The following NCAM2 variants were observed in gnomAD, a reference collection of about 807,000 sequenced individuals.
NCAM2 encodes the protein neural cell adhesion molecule 2.
Under a neutral mutation model 98.1 loss-of-function variants are expected in NCAM2, and 30 were observed. The ratio of observed to expected loss-of-function variants is 0.31; its 90% CI spans 0.23 to 0.41. NCAM2 has a LOEUF of 0.41. Ranked by LOEUF, NCAM2 falls within the 10% of genes least tolerant of loss-of-function variation. The probability of loss-of-function intolerance (pLI) is 1.00; values close to 1 mark genes in which losing one functional copy is unlikely to be tolerated. For missense variants in NCAM2, 867 were observed against 1,005.8 expected, an observed-to-expected ratio of 0.86 and a Z score of 1.87; for synonymous variants, 368 against 342.4, an observed-to-expected ratio of 1.07 and a Z score of -0.83.
intron 1 of NCAM2, among the ~76,000 whole-genome samples, chr21:21,022,214 A>T (rs1029759090): frequency 1.3e-5 from 2 of 152,086 alleles, no homozygotes; most frequent in Non-Finnish European, 2.9e-5. Context: ...GTTTTAAAAA[A>T]ATACATACTT....
Position 21,026,852 on chromosome 21 carries a change from CTTCTTTT to C in NCAM2, c.55+28237_55+28243del, listed in dbSNP as rs2064558301. 2.1e-5 allele frequency among the ~76,000 whole-genome samples: 3 copies of C among 141,750 alleles called. No individual in the cohort carries two copies. In the East Asian group the frequency reaches 6.2e-4, roughly 29 times the overall value. The allele number at this position is 141,750 out of a possible 152,430, so 93.0% of individuals were successfully genotyped here. A position where few individuals can be genotyped will look rare whatever the true frequency, so the allele number is the denominator to read the frequency against. ...ATGGCAAATGTTTTCTTTTCTTCTT[CTTCTTTT>C]TTTTTTTTTTTTTTTGAGACAGCAT... On this transcript the variant is annotated intron_variant, in intron 1 of 17. Coordinates refer to ENST00000400546, the MANE Select transcript of NCAM2 (RefSeq NM_004540.5).
chr21:21,173,090 A>T lies in NCAM2; in HGVS notation c.56-107488A>T, dbSNP rs564927200. 3.9e-4 allele frequency among the ~76,000 whole-genome samples: 60 copies of T among 152,294 alleles called. No homozygotes were observed. In the South Asian group the frequency reaches 0.012, roughly 32 times the overall value. On this transcript the variant is annotated intron_variant, in intron 1 of 17. Coordinates refer to ENST00000400546, the MANE Select transcript of NCAM2 (RefSeq NM_004540.5). Reference sequence around the variant, plus strand: ...GAGTATTGTAAATAATTAATGTAACATTATGCCTGAAGCATAGAGGGTATT... The same window carrying T: ...GAGTATTGTAAATAATTAATGTAACTTTATGCCTGAAGCATAGAGGGTATT...
At chr21:21,521,111 G>A (rs752026266) in intron 16 of NCAM2, among the ~76,000 whole-genome samples, 5 of 152,066 alleles carry the variant, frequency 3.3e-5, no homozygotes, top group African/African-American at 7.2e-5. Context: ...TAACTGACCC[G>A]GAGAATGGAA....
chr21:21,097,725 A>C (rs1379606111), intron 1 of NCAM2, among the ~76,000 whole-genome samples: 2 of 151,496 alleles, frequency 1.3e-5, no homozygotes, highest in African/African-American at 2.4e-5. Flanking sequence ...ACACTGTTAC[A>C]TCAGGACACT....
chr21:21,403,214 T>A (rs2076669126), intron 9 of NCAM2, among the ~76,000 whole-genome samples: 1 of 152,184 alleles, frequency 6.6e-6, no homozygotes, highest in Non-Finnish European at 1.5e-5. Context: ...TGAGAAGCAC[T>A]ATGCCTGGGA....
At chr21:21,431,833 G>A (rs773585245) in intron 11 of NCAM2, among the ~76,000 whole-genome samples, 14 of 150,828 alleles carry the variant, frequency 9.3e-5, no homozygotes, top group Non-Finnish European at 1.9e-4. Context: ...TGTTTATATC[G>A]TATAGAAAAT....
chr21:21,173,234 G>A (rs1223873757), intron 1 of NCAM2, among the ~76,000 whole-genome samples: 2 of 152,112 alleles, frequency 1.3e-5, no homozygotes, highest in African/African-American at 2.4e-5. Flanking sequence ...GTAGTTAGTC[G>A]CTAATTCATT....
Position 21,297,358 on chromosome 21 carries a change from T to C in NCAM2, c.619+5117T>C, listed in dbSNP as rs541571909. 2.6e-4 allele frequency among the ~76,000 whole-genome samples: 39 copies of C among 151,806 alleles called. 1 individual carries two copies. The South Asian group carries it at 7.7e-3, about 30-fold the overall frequency. ...TAATCTTGATAGTCATAAAAAAATT[T>C]TACTTGCTTATATTAAACTTTTTAT... On this transcript the variant is annotated intron_variant, in intron 5 of 17. Transcript: ENST00000400546.
intron 1 of NCAM2, among the ~76,000 whole-genome samples, chr21:21,239,074 A>G (rs1469439226): frequency 6.6e-6 from 1 of 152,196 alleles, no homozygotes; most frequent in East Asian, 1.9e-4. Context: ...TTGACATTGT[A>G]CAAAGATACA....
intron 1 of NCAM2, among the ~76,000 whole-genome samples, chr21:21,161,646 ATATT>A (rs1264339873): frequency 1.3e-5 from 2 of 151,904 alleles, no homozygotes; most frequent in African/African-American, 4.8e-5. Context: ...GTATTTAAAA[ATATT>A]TATGCAATAT....
intron 9 of NCAM2, among the ~76,000 whole-genome samples, chr21:21,383,211 C>G (rs944242857): frequency 6.6e-6 from 1 of 152,128 alleles, no homozygotes; most frequent in Non-Finnish European, 1.5e-5. Flanking sequence ...TTAATCACCT[C>G]TAAGTTTTGT....
intron 1 of NCAM2, among the ~76,000 whole-genome samples, chr21:21,153,047 A>G (rs1328726515): frequency 1.3e-5 from 2 of 151,758 alleles, no homozygotes; most frequent in African/African-American, 4.8e-5. Context: ...AGGGATTAAT[A>G]TTCTCTACTG....
rs554596151 is a variant in NCAM2 at position 21,217,332 on chromosome 21, A to G, written c.56-63246A>G. 8.5e-5 allele frequency among the ~76,000 whole-genome samples: 13 copies of G among 152,168 alleles called. No homozygotes were observed. The South Asian group carries it at 1.7e-3, about 19-fold the overall frequency. ...CCAGAGCACGAAGTCCAAAAACAAG[A>G]GCATGCAAGACAGCCCATCTGGCCT... On this transcript the variant is annotated intron_variant, in intron 1 of 17. Coordinates refer to ENST00000400546, the MANE Select transcript of NCAM2 (RefSeq NM_004540.5).
At chr21:21,002,752 G>A (rs932764450) in intron 1 of NCAM2, among the ~76,000 whole-genome samples, 3 of 152,096 alleles carry the variant, frequency 2.0e-5, no homozygotes, top group Middle Eastern at 3.2e-3. Flanking sequence ...AATCCCTTGA[G>A]TGTTGATATG....
chr21:21,378,108 A>G (rs183269917), intron 9 of NCAM2, among the ~76,000 whole-genome samples: 14 of 151,960 alleles, frequency 9.2e-5, no homozygotes, highest in Admixed American at 6.6e-5. Flanking sequence ...GGTTGATTCC[A>G]TATCTAGGCT....
chr21:21,057,252 A>G (rs2065230045), intron 1 of NCAM2, among the ~76,000 whole-genome samples: 1 of 152,172 alleles, frequency 6.6e-6, no homozygotes, highest in African/African-American at 2.4e-5. Context: ...TGGAGGTAGA[A>G]AAGAGTGTTG....
At chr21:21,423,084 T>C (rs1569046461) in intron 11 of NCAM2, among the ~76,000 whole-genome samples, 2 of 152,120 alleles carry the variant, frequency 1.3e-5, no homozygotes, top group South Asian at 2.1e-4. Flanking sequence ...ATCATTGTTA[T>C]ATTTTTAACT....
chr21:21,370,591 C>CTAT (rs146573921), intron 8 of NCAM2, among the ~76,000 whole-genome samples: 2,688 of 151,780 alleles, frequency 0.018, 76 homozygotes, highest in East Asian at 0.14. Context: ...AGCAAAGTGT[C>CTAT]TATTACATAG....
At chr21:21,181,324 C>T (rs992932453) in intron 1 of NCAM2, among the ~76,000 whole-genome samples, 3 of 151,972 alleles carry the variant, frequency 2.0e-5, no homozygotes, top group African/African-American at 7.3e-5. Flanking sequence ...TGTCTCTTTA[C>T]CGACTTACCA....
Sources: allele counts gnomAD v4.1 joint callset (sites outside exome capture counted in the v4.1 genomes callset), GRCh38; gene constraint gnomAD v4.1.1; transcripts MANE v1.5; gene names NCBI Gene and HGNC (gene_info 2026-07-23, HGNC 2026-07-21).